DENND2B: variants seen among roughly 807,000 people sequenced by gnomAD.
DENND2B encodes the protein DENN domain containing 2B.
DENND2B carries 32 observed loss-of-function variants against 116.0 expected under a neutral mutation model. That is an observed-to-expected ratio of 0.28 (90% CI 0.21 to 0.37). DENND2B has a LOEUF of 0.37. DENND2B is among the 10% of genes least tolerant of loss of function. DENND2B has a pLI of 1.00. For synonymous variants in DENND2B, 588 were observed against 583.9 expected, an observed-to-expected ratio of 1.01 and a Z score of -0.10; for missense variants, 1,276 against 1,477.7, an observed-to-expected ratio of 0.86 and a Z score of 2.24.
Position 8,731,108 on chromosome 11 carries a change from G to C in DENND2B, c.182C>G (p.Ser61Cys). 2 of 1,605,724 alleles carry C rather than the reference G, an allele frequency of 1.2e-6. No individual in the cohort carries two copies. The highest frequency in any genetic ancestry group is 1.1e-5 in the South Asian group (1 of 89,852). Residue 61 changes from serine (S) to cysteine (C), a missense_variant, in exon 3 of 20, where the codon TCC becomes TGC. Coordinates refer to ENST00000313726, the MANE Select transcript of DENND2B (RefSeq NM_213618.2). ...GTCCTTGAGGAGCACCCGGGAGCTG[G>C]AGTGGCTGGGGTACCTGCAGGCTGA... ...ETSACRYPSHSSSRVLLKDRH... is the reference protein window; with the variant it reads ...ETSACRYPSHCSSRVLLKDRH...
chr11:8,742,432 C>A (rs1433046046), intron 2 of DENND2B, among the ~76,000 whole-genome samples: 2 of 152,038 alleles, frequency 1.3e-5, no homozygotes, highest in Non-Finnish European at 2.9e-5. Context: ...GACTTTTGGG[C>A]TGTCAGTAGG....
At chr11:8,756,075 C>T (rs546728809) in intron 1 of DENND2B, among the ~76,000 whole-genome samples, 1 of 152,310 alleles carries the variant, frequency 6.6e-6, no homozygotes. Context: ...CAGTTTTCAA[C>T]TGTAGCAATG....
chr11:8,776,091 C>T (rs1469378551), intron 1 of DENND2B: 4 of 415,834 alleles, frequency 9.6e-6, no homozygotes, highest in Non-Finnish European at 1.9e-5. Flanking sequence ...CCTCCCCAGA[C>T]CTGCCCACAC....
intron 3 of DENND2B, among the ~76,000 whole-genome samples, chr11:8,851,275 AC>A (rs1158178766): frequency 6.6e-6 from 1 of 152,100 alleles, no homozygotes; most frequent in African/African-American, 2.4e-5. Flanking sequence ...ATAAATCAAA[AC>A]AGCACATTGT....
At chr11:8,751,323 C>T (rs1315250773) in intron 1 of DENND2B, among the ~76,000 whole-genome samples, 3 of 152,114 alleles carry the variant, frequency 2.0e-5, no homozygotes, top group Non-Finnish European at 4.4e-5. Context: ...ACAGACCAAT[C>T]GACTCTCCGT....
At chr11:8,714,742 A>G (rs570389612) in intron 6 of DENND2B, 36 bp from the exon 7 acceptor site, 4 of 1,569,732 alleles carry the variant, frequency 2.5e-6, no homozygotes, top group South Asian at 1.1e-5. Context: ...AGGTAACCTT[A>G]ACACCAGCTG....
chr11:8,771,604 T>C (rs567067769), intron 1 of DENND2B: 2 of 137,772 alleles, frequency 1.5e-5, no homozygotes, highest in African/African-American at 5.6e-5. Context: ...TCAAAAACCC[T>C]TGGCATTTCC....
At chr11:8,790,025 T>C (rs981081697) in intron 1 of DENND2B, among the ~76,000 whole-genome samples, 1 of 152,120 alleles carries the variant, frequency 6.6e-6, no homozygotes, top group Non-Finnish European at 1.5e-5. Flanking sequence ...TCTGGAGTCT[T>C]ATCTTGACAC....
At chr11:8,710,523 G>A (rs2043415717) in intron 11 of DENND2B, among the ~76,000 whole-genome samples, 1 of 151,906 alleles carries the variant, frequency 6.6e-6, no homozygotes, top group Non-Finnish European at 1.5e-5. Context: ...CAGAGCCCAT[G>A]ATCCCAAGGG....
intron 1 of DENND2B, chr11:8,784,466 T>A (rs953997817): frequency 1.3e-5 from 2 of 149,650 alleles, no homozygotes; most frequent in Admixed American, 1.3e-4. Flanking sequence ...ACAAAAGCAA[T>A]GACATCACAG....
intron 1 of DENND2B, among the ~76,000 whole-genome samples, chr11:8,806,605 A>AACACACACACACACACACACACAC (rs71059180): frequency 0.079 from 9,392 of 118,290 alleles, 592 homozygotes; most frequent in Middle Eastern, 0.11. Context: ...CTCCCTTCAA[A>AACACACACACACACACACACACAC]ACACACACAC....
At position 8,702,536 on chromosome 11, in the gene DENND2B, C is replaced by T; in HGVS notation, c.2720+36G>A. 3 of 1,606,640 alleles carry T rather than the reference C, an allele frequency of 1.9e-6. No homozygotes were observed. Among genetic ancestry groups the T allele is most frequent in the Non-Finnish European group, 2.5e-6 (3 of 1,179,902 alleles). On this transcript the variant is annotated intron_variant, in intron 14 of 19. Coordinates refer to ENST00000313726, the MANE Select transcript of DENND2B (RefSeq NM_213618.2). This position sits in a 1 kb window ranked among gnomAD's most constrained non-coding sequence, Gnocchi z 4.6. ...GATTCGCTTGTGGGTGTGCCTTCCC[C>T]CCTCCCTTCTGCTTTCTTGCCCGGC...
intron 1 of DENND2B, among the ~76,000 whole-genome samples, chr11:8,774,744 C>T (rs1390650260): frequency 1.3e-5 from 2 of 152,224 alleles, no homozygotes; most frequent in Admixed American, 6.5e-5. Context: ...TGAAGCCCAA[C>T]CCCGGGGCCT....
chr11:8,842,723 T>C (rs2062666677), intron 3 of DENND2B, among the ~76,000 whole-genome samples: 1 of 152,184 alleles, frequency 6.6e-6, no homozygotes, highest in South Asian at 2.1e-4. Context: ...CTTTCACTTA[T>C]TTAAAGTCTT....
intron 4 of DENND2B, among the ~76,000 whole-genome samples, chr11:8,825,065 G>T (rs1159404408): frequency 1.3e-5 from 2 of 152,036 alleles, no homozygotes; most frequent in Non-Finnish European, 2.9e-5. Flanking sequence ...GGGTGGAATG[G>T]TATTTCTGTT....
intron 2 of DENND2B, among the ~76,000 whole-genome samples, chr11:8,731,697 G>A (rs1046530566): frequency 2.6e-5 from 4 of 152,122 alleles, no homozygotes; most frequent in Admixed American, 1.3e-4. Context: ...TAAAAAGAGG[G>A]AAAAAGGGAC....
chr11:8,738,868 C>T (rs536672858), intron 2 of DENND2B, among the ~76,000 whole-genome samples: 1 of 152,300 alleles, frequency 6.6e-6, no homozygotes, highest in African/African-American at 2.4e-5. Flanking sequence ...CACCCTTAGG[C>T]ACATCCAACT....
At chr11:8,827,273 A>C (rs973110670) in intron 4 of DENND2B, among the ~76,000 whole-genome samples, 2 of 152,226 alleles carry the variant, frequency 1.3e-5, no homozygotes, top group Non-Finnish European at 2.9e-5. Flanking sequence ...AAAAGAACAA[A>C]GGGTCAAGGA....
At position 8,715,433 on chromosome 11, in the gene DENND2B, G is replaced by C. The variant is rs747695388; in HGVS notation, c.1845+170C>G. On this transcript the variant is annotated intron_variant, in intron 6 of 19. Transcript: ENST00000313726. ...AATGCATCTTTATTGATAAGAAAGG[G>C]GAATTAATCAGATGAAAAAGAGGCC... 3.3e-5 allele frequency: 21 copies of C among 637,258 alleles called. No homozygotes were observed. In the East Asian group the frequency reaches 3.6e-4, roughly 11 times the overall value. 39.5% of individuals were successfully genotyped at this position (637,258 alleles called of 1,614,324 possible).
Sources: allele counts gnomAD v4.1 joint callset (sites outside exome capture counted in the v4.1 genomes callset), GRCh38; gene constraint gnomAD v4.1.1; non-coding constraint Gnocchi (gnomAD v3.1); transcripts MANE v1.5; gene names NCBI Gene and HGNC (gene_info 2026-07-23, HGNC 2026-07-21).